Variants in ABHD16A observed in about 807,000 individuals in gnomAD.
ABHD16A encodes the protein abhydrolase domain containing 16A, phospholipase.
In ABHD16A, 47 loss-of-function variants were observed where a neutral mutation model predicts 89.8. That is an observed-to-expected ratio of 0.52 (90% CI 0.41 to 0.67). The LOEUF (loss-of-function observed/expected upper bound fraction) is 0.67, where lower values mean the gene tolerates loss of function less well. Ranked by LOEUF, ABHD16A falls within the 30% of genes least tolerant of loss-of-function variation. The pLI, the probability that ABHD16A is intolerant of heterozygous loss-of-function variation, is 0.00. For synonymous variants in ABHD16A, 251 were observed against 280.4 expected (o/e 0.90, Z 1.05); for missense variants, 580 against 734.6 (o/e 0.79, Z 2.43).
Position 31,687,937 on chromosome 6 carries a change from T to G in ABHD16A, c.1371-37A>C. 1 of 1,612,514 alleles carries G rather than the reference T, an allele frequency of 6.2e-7. No homozygotes were observed. Among genetic ancestry groups the G allele is most frequent in the Non-Finnish European group, 8.5e-7 (1 of 1,179,912 alleles). The stretch of plus-strand genomic sequence containing the variant: ...GTGCCAGGACAGGTCAGGGCTGATT[T>G]TTTTTCATTCACCATCCCTGAACCT... On this transcript the variant is annotated intron_variant, in intron 16 of 19. Transcript: ENST00000395952. This position sits in a 1 kb window ranked among gnomAD's most constrained non-coding sequence, Gnocchi z 6.3.
chr6:31,689,477 C>A, intron 12 of ABHD16A, 104 bp downstream of exon 12: 1 of 1,397,012 alleles, frequency 7.2e-7, no homozygotes, highest in Non-Finnish European at 9.5e-7. Flanking sequence ...CTTCCTCTCT[C>A]TTCTTCCTTG....
In ABHD16A at chr6:31,691,580, A is replaced by G. The variant is rs1461298802; in HGVS notation, c.842T>C (p.Leu281Pro). The G allele has an allele frequency of 6.2e-7, 1 of 1,612,806 alleles. No individual in the cohort carries two copies. The highest frequency in any genetic ancestry group is 1.1e-5 in the South Asian group (1 of 91,028). The change falls in exon 9 of 20, where the codon CTG becomes CCG. Residue 281 changes from leucine (L) to proline (P), a missense_variant and splice_region_variant. This residue lies in a region of ABHD16A where 415 missense variants were observed against 568.8 expected (regional missense o/e 0.73). Transcript: ENST00000395952. Reference sequence around the variant, plus strand: ...TCTGGGCTCTCTGCTCCCTCTTACCAGCTTCTGTCCCTGGGGCTCAGCTGT... The same window carrying G: ...TCTGGGCTCTCTGCTCCCTCTTACCGGCTTCTGTCCCTGGGGCTCAGCTGT... ...RGTAEPQGQK[L>P]VICCEGNAGF...
intron 4 of ABHD16A, among the ~76,000 whole-genome samples, chr6:31,699,408 C>CAAAAAAA (rs9281558): frequency 3.7e-5 from 2 of 54,262 alleles, no homozygotes; most frequent in African/African-American, 6.3e-5. Context: ...GACTCCGTCT[C>CAAAAAAA]AAAAAAAAAA....
intron 1 of ABHD16A, chr6:31,702,906 G>A (rs1805167763): frequency 3.8e-6 from 5 of 1,302,670 alleles, no homozygotes; most frequent in Non-Finnish European, 4.9e-6. Context: ...TCGGGGGGAC[G>A]CGGAGAGGAA....
Position 31,690,201 on chromosome 6 carries a change from G to A in ABHD16A, c.908-74C>T, listed in dbSNP as rs1803734797. ...TTCTCCATCCCTGGGGGAAGGAAGA[G>A]CAGAAGTACCCCCCAGCTTAGATGC... On this transcript the variant is annotated intron_variant, in intron 10 of 19. Transcript: ENST00000395952. This position sits in a 1 kb window ranked among gnomAD's most constrained non-coding sequence, Gnocchi z 4.1. 21 of 1,384,898 alleles carry A rather than the reference G, an allele frequency of 1.5e-5. No homozygotes were observed. The South Asian group carries it at 2.1e-4, about 14-fold the overall frequency. 85.8% of individuals were successfully genotyped at this position (1,384,898 alleles called of 1,614,324 possible). A position where few individuals can be genotyped will look rare whatever the true frequency, so the allele number is the denominator to read the frequency against.
chr6:31,694,184 T>G (rs1804167147), intron 5 of ABHD16A, among the ~76,000 whole-genome samples: 1 of 151,258 alleles, frequency 6.6e-6, no homozygotes, highest in Admixed American at 6.6e-5. Flanking sequence ...GCCTCTGGAG[T>G]AGCTGGGACT....
At position 31,693,290 on chromosome 6, in the gene ABHD16A, G is replaced by A; in HGVS notation, c.503+69C>T. 3 of 1,598,254 alleles carry A rather than the reference G, an allele frequency of 1.9e-6. No homozygotes were observed. Among genetic ancestry groups the A allele is most frequent in the South Asian group, 1.1e-5 (1 of 90,520 alleles). On this transcript the variant is annotated intron_variant, in intron 6 of 19. Coordinates refer to ENST00000395952, the MANE Select transcript of ABHD16A (RefSeq NM_021160.3). This position sits in a 1 kb window ranked among gnomAD's most constrained non-coding sequence, Gnocchi z 5.0. ...GTGACCTGAGAGGGCATGGAGGTGG[G>A]AGGGCAGAGCAGAGATTTTCTGGAA...
rs138420828 is a variant in ABHD16A at position 31,689,690 on chromosome 6, C to T, written c.972G>A (p.Pro324=). The T allele has an allele frequency of 1.3e-4, 217 of 1,610,712 alleles. 1 individual carries two copies. In the African/African-American group the frequency reaches 2.6e-3, roughly 19 times the overall value. Reference sequence around the variant, plus strand: ...CATCCATGGCATTAGCCTCATTCTGCGGGAATGGCACCCCCTGCAGGAGAA... The same window carrying T: ...CATCCATGGCATTAGCCTCATTCTGTGGGAATGGCACCCCCTGCAGGAGAA... The part of the protein sequence containing the change: ...GFAGSTGVPF[P]QNEANAMDVV... Residue 324 remains proline (P), a synonymous_variant, in exon 12 of 20, where the codon CCG becomes CCA. Transcript: ENST00000395952.
At chr6:31,699,348 G>T (rs910686236) in intron 4 of ABHD16A, among the ~76,000 whole-genome samples, 6 of 145,666 alleles carry the variant, frequency 4.1e-5, no homozygotes, top group African/African-American at 1.6e-4. Context: ...GGCGGAGCTT[G>T]CAGTGAGCCG....
Position 31,702,119 on chromosome 6 carries a change from A to T in ABHD16A, c.144T>A (p.Tyr48Ter). The change falls in exon 2 of 20, where the codon TAT (tyrosine) becomes TAA (stop). Residue 48 changes from tyrosine (Y) to a stop codon, truncating the protein, a stop_gained. Transcript: ENST00000395952. LOFTEE classifies it high-confidence loss of function. ...APHSSSWDTYYQPRALEKHAD... is the reference protein window; with the variant it reads ...APHSSSWDTY ...CATGTTTCTCCAGGGCACGGGGCTG[A>T]TAGTACGTATCCTGCCAAAACAGAT... 1 of 1,613,066 alleles carries T rather than the reference A, an allele frequency of 6.2e-7. No homozygotes were observed. Among genetic ancestry groups the T allele is most frequent in the Non-Finnish European group, 8.5e-7 (1 of 1,180,020 alleles).
chr6:31,699,937 G>A lies in ABHD16A; in HGVS notation c.343+1005C>T, dbSNP rs184070385. On this transcript the variant is annotated intron_variant, in intron 4 of 19. Transcript: ENST00000395952. ...TTTTTTTTGTATGTTTAGTAGAGAC[G>A]GGGTTTCACCATGTTGGACAGACTG... Among the ~76,000 whole-genome samples, 32 of 151,994 alleles carry A rather than the reference G, an allele frequency of 2.1e-4. 1 individual carries two copies. The East Asian group carries it at 4.3e-3, about 20-fold the overall frequency.
In ABHD16A at chr6:31,693,084, C is replaced by T. The variant is rs762241787; in HGVS notation, c.569G>A (p.Arg190Gln). The T allele has an allele frequency of 1.7e-5, 27 of 1,614,052 alleles. 1 individual carries two copies. The Admixed American group carries it at 4.0e-4, about 24-fold the overall frequency. Residue 190 changes from arginine (R) to glutamine (Q), a missense_variant, in exon 7 of 20, where the codon CGG becomes CAG. Physicochemically the swap from Arg to Gln is conservative, Grantham distance 43 (BLOSUM62 1). Coordinates refer to ENST00000395952, the MANE Select transcript of ABHD16A (RefSeq NM_021160.3). The surrounding 1 kb of genome is among the most constrained non-coding windows in gnomAD (Gnocchi z 5.0). Reference protein sequence around the residue: ...VALLRPEPLHRGTADTLLNRV... With the variant: ...VALLRPEPLHQGTADTLLNRV... ...GTTGAGGAGGGTGTCTGCTGTCCCC[C>T]GGTGCAGGGGCTCTGGGCGAAGCAG...
chr6:31,699,135 G>A (rs192766340), intron 4 of ABHD16A, among the ~76,000 whole-genome samples: 6 of 152,152 alleles, frequency 3.9e-5, no homozygotes, highest in East Asian at 1.9e-4. Context: ...TGCTGGGCGC[G>A]GTGGCTCAAG....
In ABHD16A at chr6:31,693,516, A is replaced by C. The variant is rs1804110772; in HGVS notation, c.430-84T>G. ...ACCCTCAACAACACCTTCGTTATCC[A>C]GGGGTCTGATCCCCACACATCATGG... On this transcript the variant is annotated intron_variant, in intron 5 of 19. Coordinates refer to ENST00000395952, the MANE Select transcript of ABHD16A (RefSeq NM_021160.3). The surrounding 1 kb of genome is among the most constrained non-coding windows in gnomAD (Gnocchi z 5.0). 1.5e-6 allele frequency: 2 copies of C among 1,326,434 alleles called. No homozygotes were observed. Among genetic ancestry groups the C allele is most frequent in the Non-Finnish European group, 2.1e-6 (2 of 935,392 alleles). 82.2% of individuals were successfully genotyped at this position (1,326,434 alleles called of 1,614,324 possible).
chr6:31,692,925 C>A lies in ABHD16A; in HGVS notation c.626+102G>T. ...TCTACACAAACCATACAGCACTAGGCCCAATGAGTGACAGCTATTTTACAA... is the reference window on the plus strand; with the variant it reads ...TCTACACAAACCATACAGCACTAGGACCAATGAGTGACAGCTATTTTACAA... On this transcript the variant is annotated intron_variant, in intron 7 of 19. Coordinates refer to ENST00000395952, the MANE Select transcript of ABHD16A (RefSeq NM_021160.3). 2.0e-6 allele frequency: 3 copies of A among 1,496,088 alleles called. No individual in the cohort carries two copies. The Middle Eastern group carries it at 5.1e-4, about 257-fold the overall frequency. 92.7% of individuals were successfully genotyped at this position (1,496,088 alleles called of 1,614,324 possible).
chr6:31,702,373 G>T (rs1316865622), intron 1 of ABHD16A, among the ~76,000 whole-genome samples: 1 of 152,164 alleles, frequency 6.6e-6, no homozygotes, highest in Non-Finnish European at 1.5e-5. Context: ...AGCATTGGAC[G>T]ATTTTTGCTC....
At position 31,689,636 on chromosome 6, in the gene ABHD16A, T is replaced by C. The variant is rs1475865; in HGVS notation, c.1026A>G (p.Leu342=). 1,208,383 of 1,611,166 alleles carry C rather than the reference T, an allele frequency of 0.75. 456,712 individuals are homozygous for C. The highest frequency in any genetic ancestry group is 0.98 in the East Asian group (43,985 of 44,820). ...TGATGATGTCCTGGGGCTGGAAGCC[T>C]AGGCGGTGGATGGCAAACTGGACCA... ...DVVVQFAIHR[L]GFQPQDIIIY... is the part of the protein sequence containing the mutation. Residue 342 remains leucine (L), a synonymous_variant, in exon 12 of 20, where the codon CTA becomes CTG. Transcript: ENST00000395952.
chr6:31,688,780 A>G lies in ABHD16A; in HGVS notation c.1193T>C (p.Leu398Pro). 6.2e-7 allele frequency: 1 copy of G among 1,612,828 alleles called. No homozygotes were observed. The highest frequency in any genetic ancestry group is 8.5e-7 in the Non-Finnish European group (1 of 1,179,882). ...ATGCTGCCTCACGGTCCTGGTCACCAGGCCCCCTAGAGTGGGATAAAGGTG... is the reference window on the plus strand; with the variant it reads ...ATGCTGCCTCACGGTCCTGGTCACCGGGCCCCCTAGAGTGGGATAAAGGTG... ...LKVMPDSWRG[L>P]VTRTVRQHLN... is the part of the protein sequence containing the mutation. The change falls in exon 14 of 20, where the codon CTG becomes CCG. Residue 398 changes from leucine (L) to proline (P), a missense_variant. By Grantham distance (98) the Leu-to-Pro change is moderately conservative (BLOSUM62 -3). This residue lies in a region of ABHD16A where 415 missense variants were observed against 568.8 expected (regional missense o/e 0.73). Transcript: ENST00000395952. This position sits in a 1 kb window ranked among gnomAD's most constrained non-coding sequence, Gnocchi z 4.9.
chr6:31,691,714 G>T, intron 8 of ABHD16A, 34 bp from the exon 9 acceptor site: 1 of 1,594,578 alleles, frequency 6.3e-7, no homozygotes, highest in Non-Finnish European at 8.6e-7. Context: ...CAAGATGCAA[G>T]GGTCAGGAGG....
Sources: gnomAD v4.1 joint callset for allele counts (sites outside exome capture counted in the v4.1 genomes callset) on GRCh38, gnomAD v4.1.1 for gene constraint, gnomAD v4.1.1 regional missense constraint, Gnocchi (gnomAD v3.1) non-coding constraint, MANE v1.5 for transcripts, NCBI Gene and HGNC (gene_info 2026-07-23, HGNC 2026-07-21) for gene names.